The following ITGB6 variants were observed in gnomAD, a reference collection of about 807,000 sequenced individuals.
ITGB6 encodes integrin subunit beta 6, also known as integrin beta-6.
In ITGB6, 80 loss-of-function variants were observed where a neutral mutation model predicts 84.5. That is an observed-to-expected ratio of 0.95 (90% CI 0.79 to 1.14). The LOEUF (loss-of-function observed/expected upper bound fraction) is 1.14. Among genes scored for constraint, ITGB6 ranks in the 50% most tolerant of loss-of-function variants. The pLI is 0.00. For missense variants in ITGB6, 1,006 were observed against 968.0 expected (o/e 1.04, Z -0.52); for synonymous variants, 383 against 354.9 (o/e 1.08, Z -0.89).
chr2:160,124,169 CAAAT>C (rs1365313812), intron 11 of ITGB6, among the ~76,000 whole-genome samples: 4 of 152,176 alleles, frequency 2.6e-5, no homozygotes, highest in African/African-American at 7.2e-5. Flanking sequence ...AGTAAACAAA[CAAAT>C]AATCAAAGAA....
intron 6 of ITGB6, among the ~76,000 whole-genome samples, chr2:160,171,455 C>T (rs554368234): frequency 1.3e-5 from 2 of 152,066 alleles, no homozygotes; most frequent in South Asian, 2.1e-4. Flanking sequence ...CTGCCTCAGC[C>T]TCCCGAGTAG....
chr2:160,103,494 A>C (rs1428983145), intron 14 of ITGB6, among the ~76,000 whole-genome samples: 1 of 152,170 alleles, frequency 6.6e-6, no homozygotes, highest in African/African-American at 2.4e-5. Context: ...TATTGCTTCT[A>C]TTCCTGAGAG....
intron 10 of ITGB6, among the ~76,000 whole-genome samples, chr2:160,127,378 A>G (rs7583743): frequency 0.79 from 120,014 of 152,164 alleles, 48,288 homozygotes; most frequent in African/African-American, 0.95. Context: ...TTATCTTAAC[A>G]CAGGTACTCC....
At chr2:160,183,840 T>C (rs142118303) in intron 4 of ITGB6, among the ~76,000 whole-genome samples, 18,340 of 152,084 alleles carry the variant, frequency 0.12, 2,105 homozygotes, top group East Asian at 0.45. Flanking sequence ...AGAAACTCAC[T>C]CAAAACCACA....
At chr2:160,141,618 A>G (rs2105824445) in intron 8 of ITGB6, among the ~76,000 whole-genome samples, 1 of 152,334 alleles carries the variant, frequency 6.6e-6, no homozygotes, top group East Asian at 1.9e-4. Context: ...AGCTCTCTAC[A>G]TAACTCTGTC....
Position 160,148,148 on chromosome 2 carries a change from C to T in ITGB6, c.1018-6077G>A, listed in dbSNP as rs1158824632. 3.3e-5 allele frequency among the ~76,000 whole-genome samples: 5 copies of T among 152,272 alleles called. No individual in the cohort carries two copies. In the South Asian group the frequency reaches 6.2e-4, roughly 19 times the overall value. ...TTTCAATTAAAAAATGATCCAAAGA[C>T]CCTAACAGACATATTACCAAAGAAG... On this transcript the variant is annotated intron_variant, in intron 7 of 14. Transcript: ENST00000283249.
intron 10 of ITGB6, among the ~76,000 whole-genome samples, chr2:160,128,706 T>C (rs1683334809): frequency 1.3e-5 from 2 of 152,156 alleles, no homozygotes; most frequent in East Asian, 1.9e-4. Context: ...GTGACTAGAC[T>C]GAGCAGCCAG....
At chr2:160,182,993 C>T (rs920965474) in intron 4 of ITGB6, among the ~76,000 whole-genome samples, 4 of 152,068 alleles carry the variant, frequency 2.6e-5, no homozygotes, top group African/African-American at 7.3e-5. Context: ...CTGAAGGAAG[C>T]ACTAAATATG....
Position 160,174,074 on chromosome 2 carries a change from G to A in ITGB6, c.659C>T (p.Ala220Val). Residue 220 changes from alanine (A) to valine (V), a missense_variant, in exon 5 of 15, where the codon GCT becomes GTT. Transcript: ENST00000283249. ...CTTCACAATTTCATTGAATCTTTCA[G>A]CATCATTTGTCAATGGCAAAATGTG... ...FKHILPLTND[A>V]ERFNEIVKNQ... is the part of the protein sequence containing the mutation. The A allele has an allele frequency of 6.2e-7, 1 of 1,612,882 alleles. No individual in the cohort carries two copies. Among genetic ancestry groups the A allele is most frequent in the Middle Eastern group, 1.7e-4 (1 of 6,042 alleles).
At chr2:160,108,211 T>G in intron 13 of ITGB6, among the ~76,000 whole-genome samples, 2 of 76,196 alleles carry the variant, frequency 2.6e-5, no homozygotes, top group South Asian at 3.3e-4. Flanking sequence ...AAAGCAGAAA[T>G]GGAGTGTGTG....
intron 4 of ITGB6, among the ~76,000 whole-genome samples, chr2:160,177,886 T>C (rs946273062): frequency 3.9e-5 from 3 of 76,846 alleles, no homozygotes; most frequent in Admixed American, 1.3e-4. Flanking sequence ...ATCTATCTTA[T>C]TTTTTTGGAG....
rs1054988915 is a variant in ITGB6 at position 160,100,587 on chromosome 2, G to C, written c.*1149C>G. On this transcript the variant is annotated 3_prime_UTR_variant, in exon 15 of 15. Coordinates refer to ENST00000283249, the MANE Select transcript of ITGB6 (RefSeq NM_000888.5). ...CTTTGTAAAGGAGTAATAACCACAAGAAATAATATTCTAGAGTCCATCTCT... is the reference window on the plus strand; with the variant it reads ...CTTTGTAAAGGAGTAATAACCACAACAAATAATATTCTAGAGTCCATCTCT... The C allele has an allele frequency of 6.6e-6, 1 of 152,006 alleles. No homozygotes were observed. The highest frequency in any genetic ancestry group is 1.5e-5 in the Non-Finnish European group (1 of 67,984). 9.4% of individuals were successfully genotyped at this position (152,006 alleles called of 1,614,324 possible).
chr2:160,121,412 A>G (rs1376200453), intron 12 of ITGB6, among the ~76,000 whole-genome samples: 1 of 152,318 alleles, frequency 6.6e-6, no homozygotes, highest in East Asian at 1.9e-4. Flanking sequence ...TTTCTATGTA[A>G]TGTTTTCATA....
intron 12 of ITGB6, among the ~76,000 whole-genome samples, chr2:160,118,422 T>C (rs1682878850): frequency 6.6e-6 from 1 of 152,200 alleles, no homozygotes; most frequent in Non-Finnish European, 1.5e-5. Context: ...ACCACATGAT[T>C]ATCTCAATAG....
chr2:160,119,523 G>C (rs1239393474), intron 12 of ITGB6, among the ~76,000 whole-genome samples: 2 of 151,864 alleles, frequency 1.3e-5, no homozygotes, highest in Non-Finnish European at 2.9e-5. Flanking sequence ...ATTCAAGATG[G>C]ATTAAAGACT....
At chr2:160,152,614 A>G (rs547321859) in intron 7 of ITGB6, among the ~76,000 whole-genome samples, 25 of 152,294 alleles carry the variant, frequency 1.6e-4, no homozygotes, top group Admixed American at 9.8e-4. Context: ...CAGGCAGGAG[A>G]AAGAAATAAA....
intron 13 of ITGB6, among the ~76,000 whole-genome samples, chr2:160,111,039 A>G (rs1682482241): frequency 6.6e-6 from 1 of 152,204 alleles, no homozygotes; most frequent in South Asian, 2.1e-4. Flanking sequence ...TGCTCTGCAG[A>G]ATGGCATGTT....
At chr2:160,185,643 A>C (rs1342547635) in intron 4 of ITGB6, among the ~76,000 whole-genome samples, 1 of 152,264 alleles carries the variant, frequency 6.6e-6, no homozygotes, top group South Asian at 2.1e-4. Flanking sequence ...ATATGGAATC[A>C]AAAAGGAGCC....
intron 13 of ITGB6, 73 bp from the exon 14 acceptor site, chr2:160,107,918 G>T: frequency 1.6e-6 from 2 of 1,286,524 alleles, no homozygotes; most frequent in Non-Finnish European, 2.2e-6. Flanking sequence ...TTTCTTGTTG[G>T]ATTTTCATCT....
Sources: gnomAD v4.1 joint callset for allele counts (sites outside exome capture counted in the v4.1 genomes callset) on GRCh38, gnomAD v4.1.1 for gene constraint, MANE v1.5 for transcripts, NCBI Gene and HGNC (gene_info 2026-07-23, HGNC 2026-07-21) for gene names.